The following VWC2 variants were observed in gnomAD, a reference collection of about 807,000 sequenced individuals.
VWC2 encodes brorin.
In VWC2, 14 loss-of-function variants were observed where a neutral mutation model predicts 29.8. The ratio of observed to expected loss-of-function variants is 0.47; its 90% CI spans 0.31 to 0.74. VWC2 has a LOEUF of 0.74. Ranked by LOEUF, VWC2 falls within the 30% of genes least tolerant of loss-of-function variation. VWC2 has a pLI of 0.05. For synonymous variants in VWC2, 213 were observed against 199.0 expected, an observed-to-expected ratio of 1.07 and a Z score of -0.59; for missense variants, 457 against 459.8, an observed-to-expected ratio of 0.99 and a Z score of 0.05.
chr7:49,889,743 A>G (rs1792051913), intron 3 of VWC2, among the ~76,000 whole-genome samples: 1 of 152,214 alleles, frequency 6.6e-6, no homozygotes, highest in South Asian at 2.1e-4. Flanking sequence ...CTTATTGGAA[A>G]TAAACAACAA....
At chr7:49,792,466 G>T (rs1162463251) in intron 2 of VWC2, among the ~76,000 whole-genome samples, 1 of 152,178 alleles carries the variant, frequency 6.6e-6, no homozygotes, top group Non-Finnish European at 1.5e-5. Flanking sequence ...TGCGAGGATT[G>T]GTACCCCAGT....
At chr7:49,865,378 G>A (rs959693684) in intron 3 of VWC2, among the ~76,000 whole-genome samples, 37 of 152,184 alleles carry the variant, frequency 2.4e-4, no homozygotes, top group Non-Finnish European at 5.9e-5. Context: ...GCTGAAAAAT[G>A]GGAGTAACAT....
intron 3 of VWC2, among the ~76,000 whole-genome samples, chr7:49,868,001 T>C (rs1254375935): frequency 6.6e-6 from 1 of 151,968 alleles, no homozygotes; most frequent in Admixed American, 6.5e-5. Context: ...ACCTGACTAA[T>C]TTTTGTATTT....
intron 3 of VWC2, among the ~76,000 whole-genome samples, chr7:49,841,220 CCT>C (rs1428365501): frequency 6.6e-6 from 1 of 152,126 alleles, no homozygotes; most frequent in Non-Finnish European, 1.5e-5. Context: ...CTGACTATTC[CCT>C]GTTTGCAGAG....
At position 49,914,675 on chromosome 7, in the gene VWC2, A is replaced by G. The variant is rs2128744473; in HGVS notation, c.*2490A>G. On this transcript the variant is annotated 3_prime_UTR_variant, in exon 4 of 4. Transcript: ENST00000340652. ...GTTAGACTTTCACAAATACATAGCT[A>G]TCTCAGATTGACATTCTATTTTCCT... 1 of 152,352 alleles carries G rather than the reference A, an allele frequency of 6.6e-6. No homozygotes were observed. Among genetic ancestry groups the G allele is most frequent in the Non-Finnish European group, 1.5e-5 (1 of 68,026 alleles). 9.4% of individuals were successfully genotyped at this position (152,352 alleles called of 1,614,324 possible). A position where few individuals can be genotyped will look rare whatever the true frequency, so the allele number is the denominator to read the frequency against.
intron 3 of VWC2, among the ~76,000 whole-genome samples, chr7:49,808,718 C>A (rs561267884): frequency 6.6e-6 from 1 of 151,962 alleles, no homozygotes; most frequent in Admixed American, 6.5e-5. Context: ...TTAGAATCAA[C>A]AACAGAAGGA....
At chr7:49,909,034 T>G (rs925057928) in intron 3 of VWC2, among the ~76,000 whole-genome samples, 2 of 152,298 alleles carry the variant, frequency 1.3e-5, no homozygotes, top group African/African-American at 2.4e-5. Flanking sequence ...AACAACAGGA[T>G]AGGTGAAATA....
chr7:49,846,864 C>T (rs1789962834), intron 3 of VWC2, among the ~76,000 whole-genome samples: 1 of 152,168 alleles, frequency 6.6e-6, no homozygotes, highest in Non-Finnish European at 1.5e-5. Flanking sequence ...ACTCTGACAC[C>T]TTGGCAGTTT....
chr7:49,777,253 G>C (rs1410740722), intron 2 of VWC2, among the ~76,000 whole-genome samples: 1 of 152,192 alleles, frequency 6.6e-6, no homozygotes, highest in African/African-American at 2.4e-5. Context: ...GGTTTAGGGA[G>C]GAATTCTGCT....
chr7:49,897,279 C>G (rs1465957391), intron 3 of VWC2, among the ~76,000 whole-genome samples: 10 of 152,094 alleles, frequency 6.6e-5, no homozygotes, highest in Admixed American at 5.9e-4. Flanking sequence ...AAATCTCATC[C>G]AATAATTTCC....
chr7:49,889,849 T>A lies in VWC2; in HGVS notation c.827-22185T>A, dbSNP rs1360370184. On this transcript the variant is annotated intron_variant, in intron 3 of 3. Coordinates refer to ENST00000340652, the MANE Select transcript of VWC2 (RefSeq NM_198570.5). ...AATAGGTGCCCCAGTATGCCGTCATTCACGCTTGCAATTCTGAAATAGGGA... is the reference window on the plus strand; with the variant it reads ...AATAGGTGCCCCAGTATGCCGTCATACACGCTTGCAATTCTGAAATAGGGA... Among the ~76,000 whole-genome samples the A allele has an allele frequency of 2.0e-5, 3 of 152,178 alleles. No homozygotes were observed. The East Asian group carries it at 5.8e-4, about 29-fold the overall frequency.
At chr7:49,837,162 G>A (rs1205422423) in intron 3 of VWC2, among the ~76,000 whole-genome samples, 1 of 152,190 alleles carries the variant, frequency 6.6e-6, no homozygotes, top group Non-Finnish European at 1.5e-5. Flanking sequence ...ATTCCATAGA[G>A]ATGTGCAGAC....
intron 2 of VWC2, among the ~76,000 whole-genome samples, chr7:49,779,055 G>C (rs112823882): frequency 0.025 from 3,800 of 151,250 alleles, 172 homozygotes; most frequent in African/African-American, 0.088. Context: ...GAGAGAGAGA[G>C]AGAGACAGAG....
chr7:49,800,114 C>T (rs1238796191), intron 2 of VWC2, among the ~76,000 whole-genome samples: 1 of 152,192 alleles, frequency 6.6e-6, no homozygotes, highest in East Asian at 1.9e-4. Flanking sequence ...GCATGCTGGC[C>T]TGTGTGCATG....
chr7:49,877,822 A>G (rs949178354), intron 3 of VWC2, among the ~76,000 whole-genome samples: 2 of 151,884 alleles, frequency 1.3e-5, no homozygotes, highest in African/African-American at 4.8e-5. Context: ...GTAGTCTCCA[A>G]GGCTACTGCT....
chr7:49,837,231 A>C (rs1418452879), intron 3 of VWC2, among the ~76,000 whole-genome samples: 2 of 152,230 alleles, frequency 1.3e-5, no homozygotes, highest in African/African-American at 2.4e-5. Flanking sequence ...TAACCAGAGC[A>C]CTGTGAGACT....
chr7:49,836,150 T>A (rs1444022733), intron 3 of VWC2, among the ~76,000 whole-genome samples: 1 of 152,226 alleles, frequency 6.6e-6, no homozygotes, highest in African/African-American at 2.4e-5. Flanking sequence ...TCAAATTTAA[T>A]TTGGATAGAA....
intron 3 of VWC2, among the ~76,000 whole-genome samples, chr7:49,824,671 T>G (rs1789351302): frequency 6.6e-6 from 1 of 152,202 alleles, no homozygotes; most frequent in Admixed American, 6.5e-5. Flanking sequence ...GATTGAGTTT[T>G]TCAGTCTACA....
At chr7:49,874,663 T>C (rs1791323146) in intron 3 of VWC2, among the ~76,000 whole-genome samples, 1 of 152,156 alleles carries the variant, frequency 6.6e-6, no homozygotes, top group South Asian at 2.1e-4. Context: ...CTTTTTCTTT[T>C]CTGGAATTTA....
Sources: gnomAD v4.1 joint callset for allele counts (sites outside exome capture counted in the v4.1 genomes callset) on GRCh38, gnomAD v4.1.1 for gene constraint, MANE v1.5 for transcripts, NCBI Gene and HGNC (gene_info 2026-07-23, HGNC 2026-07-21) for gene names.